The following IQSEC2 variants were observed in gnomAD, a reference collection of about 807,000 sequenced individuals.
IQSEC2 encodes IQ motif and SEC7 domain-containing protein 2.
Under a neutral mutation model 74.6 loss-of-function variants are expected in IQSEC2, and 6 were observed. The observed-to-expected ratio is 0.08, with a 90% CI of 0.04 to 0.16. The LOEUF is 0.16. Ranked by LOEUF, IQSEC2 falls within the 10% of genes least tolerant of loss-of-function variation. IQSEC2 has a pLI of 1.00. For synonymous variants in IQSEC2, 494 were observed against 544.5 expected (o/e 0.91, Z 1.29); for missense variants, 734 against 1,306.2 (o/e 0.56, Z 6.75).
chrX:53,235,973 G>A, intron 13 of IQSEC2, 141 bp from the exon 14 acceptor site: 2 of 563,154 alleles, frequency 3.6e-6, no homozygotes, highest in East Asian at 3.6e-5. Context: ...AGAGGGGGAG[G>A]CGGGGAGGAG....
intron 2 of IQSEC2, among the ~76,000 whole-genome samples, chrX:53,259,787 G>A (rs1238732155): frequency 1.1e-5 from 1 of 88,900 alleles, no homozygotes; most frequent in African/African-American, 3.7e-5. Context: ...GCAACAAAGT[G>A]AGACCCTGTC....
At chrX:53,294,463 A>T (rs781795433) in intron 1 of IQSEC2, among the ~76,000 whole-genome samples, 113 of 112,411 alleles carry the variant, frequency 1.0e-3, no homozygotes, top group African/African-American at 3.4e-3. Flanking sequence ...ATGTTCATGA[A>T]GCTGGGCCAC....
At chrX:53,228,869 T>C (rs1378829500), downstream of IQSEC2, 2 of 112,305 alleles carry the variant, frequency 1.8e-5, no homozygotes, top group African/African-American at 3.2e-5. Flanking sequence ...AGATGTATAG[T>C]ATGTGCTTAT....
downstream of IQSEC2, chrX:53,230,857 T>C (rs1445048667): frequency 8.9e-6 from 1 of 111,750 alleles, no homozygotes; most frequent in Non-Finnish European, 1.9e-5. Flanking sequence ...CTCCACAGTC[T>C]GGACAGTGCA....
At chrX:53,280,023 CACA>C (rs1179543477) in intron 2 of IQSEC2, among the ~76,000 whole-genome samples, 1 of 108,981 alleles carries the variant, frequency 9.2e-6, no homozygotes, top group Non-Finnish European at 1.9e-5. Context: ...ACATACAGAA[CACA>C]ACGACAACAG....
intron 4 of IQSEC2, among the ~76,000 whole-genome samples, chrX:53,252,387 A>AC (rs1569303859): frequency 9.0e-6 from 1 of 111,291 alleles, no homozygotes; most frequent in African/African-American, 3.3e-5. Context: ...AAAAAAAAAA[A>AC]AAAACTGCAA....
chrX:53,239,661 G>T, intron 10 of IQSEC2: 1 of 225,586 alleles, frequency 4.4e-6, no homozygotes, highest in Non-Finnish European at 8.2e-6. Flanking sequence ...CTAGTCCTCT[G>T]AGTGTGTGAT....
At chrX:53,277,033 G>GA (rs2074845024) in intron 2 of IQSEC2, among the ~76,000 whole-genome samples, 1 of 106,264 alleles carries the variant, frequency 9.4e-6, no homozygotes, top group Non-Finnish European at 2.0e-5. Context: ...TATAGTTGTT[G>GA]TTTTTTTTTT....
chrX:53,320,276 G>A lies in IQSEC2; in HGVS notation c.707+141C>T, dbSNP rs782606689. On this transcript the variant is annotated intron_variant, in intron 1 of 14. Transcript: ENST00000642864. Reference sequence around the variant, plus strand: ...GCCAGGGAAGGGGTGTCGGCTGGATGAGGGGGACCTGGCTTCTCCTGGCGG... The same window carrying A: ...GCCAGGGAAGGGGTGTCGGCTGGATAAGGGGGACCTGGCTTCTCCTGGCGG... 33 of 561,132 alleles carry A rather than the reference G, an allele frequency of 5.9e-5. 1 individual carries two copies. The South Asian group carries it at 1.0e-3, about 18-fold the overall frequency. The allele number at this position is 561,132 out of a possible 1,213,427, so 46.2% of individuals were successfully genotyped here.
intron 1 of IQSEC2, among the ~76,000 whole-genome samples, chrX:53,317,271 G>A (rs1232494805): frequency 1.8e-5 from 2 of 111,673 alleles, no homozygotes; most frequent in African/African-American, 3.3e-5. Context: ...ACCAAAAGGA[G>A]ACAGGGACGC....
chrX:53,250,998 T>C lies in IQSEC2; in HGVS notation c.1578A>G (p.Gln526=). ...LPLYLDDTVP[Q]QSPERLPSTE... ...TGCTGGGCAGTCGCTCAGGGGATTG[T>C]TGGGGAACTGTGTCATCCAGGTAGA... The change falls in exon 5 of 15, where the codon CAA becomes CAG. Residue 526 remains glutamine (Q), a synonymous_variant. Coordinates refer to ENST00000642864, the MANE Select transcript of IQSEC2 (RefSeq NM_001111125.3). 1 of 1,211,672 alleles carries C rather than the reference T, an allele frequency of 8.3e-7. No homozygotes were observed. The highest frequency in any genetic ancestry group is 1.1e-6 in the Non-Finnish European group (1 of 895,448).
At chrX:53,246,036 A>AT (rs2074303142) in intron 8 of IQSEC2, among the ~76,000 whole-genome samples, 1 of 109,672 alleles carries the variant, frequency 9.1e-6, no homozygotes, top group Non-Finnish European at 1.9e-5. Context: ...TAATTTTTGT[A>AT]TTTTTAGTAG....
intron 2 of IQSEC2, among the ~76,000 whole-genome samples, chrX:53,274,948 T>C (rs2074804497): frequency 8.9e-6 from 1 of 111,737 alleles, no homozygotes; most frequent in African/African-American, 3.3e-5. Context: ...ACCTTTTGCC[T>C]GATATCTGTG....
intron 2 of IQSEC2, among the ~76,000 whole-genome samples, chrX:53,264,281 C>T (rs1212904413): frequency 9.0e-6 from 1 of 111,642 alleles, no homozygotes; most frequent in Non-Finnish European, 1.9e-5. Context: ...TGAGGATGGC[C>T]GGCCACATGG....
chrX:53,317,018 T>C (rs1460332945), intron 1 of IQSEC2, among the ~76,000 whole-genome samples: 1 of 109,527 alleles, frequency 9.1e-6, no homozygotes, highest in African/African-American at 3.3e-5. Flanking sequence ...GCAAAGAGCG[T>C]GGGAAACGCA....
intron 5 of IQSEC2, among the ~76,000 whole-genome samples, chrX:53,249,880 A>G (rs7064026): frequency 0.11 from 12,196 of 110,865 alleles, 1,666 homozygotes; most frequent in African/African-American, 0.38. Flanking sequence ...GGAGGAATGC[A>G]CCTTGCCCAG....
intron 1 of IQSEC2, among the ~76,000 whole-genome samples, chrX:53,313,048 G>A (rs782005622): frequency 8.9e-6 from 1 of 112,501 alleles, no homozygotes; most frequent in Non-Finnish European, 1.9e-5. Context: ...CTGATCAGCC[G>A]TGTAGCTCTG....
intron 2 of IQSEC2, among the ~76,000 whole-genome samples, chrX:53,287,489 CT>C (rs1229855825): frequency 1.8e-5 from 2 of 113,021 alleles, no homozygotes; most frequent in Admixed American, 9.3e-5. Flanking sequence ...TGCAGACCCC[CT>C]GACATGCAGG....
At chrX:53,243,035 G>A (rs2147057936) in intron 9 of IQSEC2, among the ~76,000 whole-genome samples, 1 of 112,460 alleles carries the variant, frequency 8.9e-6, no homozygotes, top group African/African-American at 3.2e-5. Context: ...ATTGTACCTG[G>A]CCTAAAGTGT....
Sources: gnomAD v4.1 joint callset for allele counts (sites outside exome capture counted in the v4.1 genomes callset) on GRCh38, gnomAD v4.1.1 for gene constraint, MANE v1.5 for transcripts, NCBI Gene and HGNC (gene_info 2026-07-23, HGNC 2026-07-21) for gene names.